C1QTNF7: variants seen among roughly 807,000 people sequenced by gnomAD.
C1QTNF7 encodes complement C1q tumor necrosis factor-related protein 7.
C1QTNF7 carries 15 observed loss-of-function variants against 19.6 expected under a neutral mutation model. The observed-to-expected ratio is 0.76, with a 90% CI of 0.51 to 1.18. C1QTNF7 has a LOEUF of 1.18. Ranked by LOEUF, C1QTNF7 falls within the 50% of genes most tolerant of loss-of-function variation. The probability of loss-of-function intolerance (pLI) is 0.00; values close to 1 mark genes in which losing one functional copy is unlikely to be tolerated. For missense variants in C1QTNF7, 324 were observed against 359.7 expected, an observed-to-expected ratio of 0.90 and a Z score of 0.80; for synonymous variants, 142 against 137.5, an observed-to-expected ratio of 1.03 and a Z score of -0.23.
intron 1 of C1QTNF7, among the ~76,000 whole-genome samples, chr4:15,402,302 C>T (rs1719022192): frequency 6.6e-6 from 1 of 152,118 alleles, no homozygotes; most frequent in African/African-American, 2.4e-5. Flanking sequence ...ATAAAAGAAA[C>T]AGGCAGGCAT....
intron 1 of C1QTNF7, among the ~76,000 whole-genome samples, chr4:15,370,253 A>G (rs1717672592): frequency 6.6e-6 from 1 of 152,154 alleles, no homozygotes; most frequent in African/African-American, 2.4e-5. Flanking sequence ...ACAACTGGCG[A>G]AAAAAAGCAT....
intron 1 of C1QTNF7, among the ~76,000 whole-genome samples, chr4:15,375,848 T>C (rs1176735467): frequency 2.0e-5 from 3 of 152,254 alleles, no homozygotes; most frequent in Non-Finnish European, 4.4e-5. Context: ...AGTTGACATC[T>C]GACTTCCTTT....
Position 15,434,438 on chromosome 4 carries a change from A to C in C1QTNF7, c.-8-1298A>C, listed in dbSNP as rs192675816. Among the ~76,000 whole-genome samples, 285 of 152,326 alleles carry C rather than the reference A, an allele frequency of 1.9e-3. 1 individual carries two copies. Among genetic ancestry groups the C allele is most frequent in the African/African-American group, 6.5e-3 (271 of 41,570 alleles). On this transcript the variant is annotated intron_variant, in intron 1 of 2. Transcript: ENST00000444304. Reference sequence around the variant, plus strand: ...TCTCACATGGCTGTCAAAAAACAAAAGAAATTTCATCTGATTGCTTTCCCC... The same window carrying C: ...TCTCACATGGCTGTCAAAAAACAAACGAAATTTCATCTGATTGCTTTCCCC...
intron 1 of C1QTNF7, among the ~76,000 whole-genome samples, chr4:15,414,073 A>G (rs1719501759): frequency 6.6e-6 from 1 of 152,228 alleles, no homozygotes. Context: ...CATGGCAGCT[A>G]TTCACTTTGT....
intron 1 of C1QTNF7, among the ~76,000 whole-genome samples, chr4:15,355,416 C>G (rs542334081): frequency 2.0e-4 from 31 of 152,158 alleles, no homozygotes; most frequent in African/African-American, 7.2e-4. Flanking sequence ...TGTGTTAAAC[C>G]TCAAACTAAG....
intron 1 of C1QTNF7, among the ~76,000 whole-genome samples, chr4:15,429,090 G>A (rs913163123): frequency 1.3e-5 from 2 of 152,136 alleles, no homozygotes; most frequent in Admixed American, 6.5e-5. Flanking sequence ...TAAAGTGAAG[G>A]TAATAGCACT....
exon 1 of C1QTNF7, chr4:15,340,168 G>A (rs765103241): frequency 6.4e-7 from 1 of 1,551,542 alleles, no homozygotes; most frequent in South Asian, 1.2e-5. Flanking sequence ...AAAGCCTCAT[G>A]TTTTGGGGGA....
chr4:15,340,338 A>G (rs1716496100), intron 1 of C1QTNF7: 3 of 1,177,644 alleles, frequency 2.5e-6, no homozygotes, highest in Non-Finnish European at 3.7e-6. Context: ...ATGTCAACAA[A>G]TGATAAATCA....
chr4:15,352,509 T>G (rs1448931198), intron 1 of C1QTNF7, among the ~76,000 whole-genome samples: 2 of 152,168 alleles, frequency 1.3e-5, no homozygotes, highest in Non-Finnish European at 2.9e-5. Context: ...TGAAAGATAA[T>G]GTCCCAACAC....
rs1323255153 is a variant in C1QTNF7 at position 15,342,177 on chromosome 4, C to G, written c.13+1970C>G. ...TGAGAGAGGCCCACAGTGACCTAATCGCACCTCCTCGCCTCCGAGAGGCTG... is the reference window on the plus strand; with the variant it reads ...TGAGAGAGGCCCACAGTGACCTAATGGCACCTCCTCGCCTCCGAGAGGCTG... On this transcript the variant is annotated intron_variant, in intron 1 of 2. Transcript: ENST00000295297. Among the ~76,000 whole-genome samples, 23 of 152,290 alleles carry G rather than the reference C, an allele frequency of 1.5e-4. 1 individual carries two copies. Among genetic ancestry groups the G allele is most frequent in the Non-Finnish European group, 5.9e-5 (4 of 68,014 alleles).
At chr4:15,375,157 T>C (rs945955810) in intron 1 of C1QTNF7, among the ~76,000 whole-genome samples, 2 of 152,118 alleles carry the variant, frequency 1.3e-5, no homozygotes, top group African/African-American at 4.8e-5. Context: ...TCGTGTCCAT[T>C]CCTACATAAT....
intron 1 of C1QTNF7, among the ~76,000 whole-genome samples, chr4:15,383,675 C>G (rs745801941): frequency 1.7e-4 from 26 of 152,306 alleles, no homozygotes; most frequent in Non-Finnish European, 2.2e-4. Context: ...ATAGTCATTC[C>G]CACCTACTCC....
chr4:15,419,185 C>CA (rs994150497), intron 1 of C1QTNF7, among the ~76,000 whole-genome samples: 2 of 152,024 alleles, frequency 1.3e-5, no homozygotes, highest in Non-Finnish European at 1.5e-5. Context: ...CAGCATGTAC[C>CA]AAAAAAGACA....
At chr4:15,419,598 T>C (rs751378976) in intron 1 of C1QTNF7, among the ~76,000 whole-genome samples, 14 of 152,226 alleles carry the variant, frequency 9.2e-5, no homozygotes, top group Non-Finnish European at 1.6e-4. Flanking sequence ...TTCTGAGAAA[T>C]AGAACTAAAT....
chr4:15,439,822 C>T (rs956214116), intron 2 of C1QTNF7, among the ~76,000 whole-genome samples: 13 of 151,860 alleles, frequency 8.6e-5, no homozygotes, highest in African/African-American at 2.7e-4. Context: ...TGATATCTTT[C>T]GATGGTATTA....
At chr4:15,343,489 A>G (rs1390180344) in intron 1 of C1QTNF7, among the ~76,000 whole-genome samples, 1 of 152,140 alleles carries the variant, frequency 6.6e-6, no homozygotes, top group African/African-American at 2.4e-5. Flanking sequence ...AGTGTCAGCA[A>G]AGCAAATTCT....
chr4:15,359,588 C>T (rs1426790629), intron 1 of C1QTNF7, among the ~76,000 whole-genome samples: 1 of 152,098 alleles, frequency 6.6e-6, no homozygotes, highest in Admixed American at 6.5e-5. Context: ...GCCACATCCC[C>T]ACAATTGAAT....
chr4:15,399,200 A>T (rs1006387132), intron 1 of C1QTNF7, among the ~76,000 whole-genome samples: 10 of 152,114 alleles, frequency 6.6e-5, no homozygotes, highest in Admixed American at 5.9e-4. Context: ...TTTTCTATCT[A>T]TTGGGAAACT....
chr4:15,381,271 G>C (rs1228920364), intron 1 of C1QTNF7, among the ~76,000 whole-genome samples: 1 of 151,922 alleles, frequency 6.6e-6, no homozygotes, highest in Admixed American at 6.6e-5. Flanking sequence ...CAAAAAATTA[G>C]CCAGGCATGG....
Sources: allele counts gnomAD v4.1 joint callset (sites outside exome capture counted in the v4.1 genomes callset), GRCh38; gene constraint gnomAD v4.1.1; transcripts MANE v1.5; gene names NCBI Gene and HGNC (gene_info 2026-07-23, HGNC 2026-07-21).